The following DYNLL1 variants were observed in gnomAD, a reference collection of about 807,000 sequenced individuals.
DYNLL1 encodes dynein light chain LC8-type 1.
DYNLL1 carries 3 observed loss-of-function variants against 10.1 expected under a neutral mutation model. That is an observed-to-expected ratio of 0.30 (90% CI 0.14 to 0.77). The LOEUF is 0.77. DYNLL1 is among the 30% of genes least tolerant of loss of function. The pLI is 0.66. For synonymous variants in DYNLL1, 46 were observed against 41.2 expected (o/e 1.12, Z -0.45); for missense variants, 47 against 111.7 (o/e 0.42, Z 2.61).
At chr12:120,469,877 C>A (rs146445234) in exon 1 of DYNLL1, 9 of 239,566 alleles carry the variant, frequency 3.8e-5, no homozygotes, top group Non-Finnish European at 6.4e-5. Flanking sequence ...GGGGCCGGGC[C>A]GTGTGGATGC....
At chr12:120,496,392 C>T in intron 1 of DYNLL1, 24 bp from the exon 2 acceptor site, 1 of 1,613,646 alleles carries the variant, frequency 6.2e-7, no homozygotes. Flanking sequence ...AACTCAACCC[C>T]TTACCCCAGG....
At chr12:120,484,476 G>A (rs1878949637) in intron 1 of DYNLL1, among the ~76,000 whole-genome samples, 1 of 152,142 alleles carries the variant, frequency 6.6e-6, no homozygotes, top group Non-Finnish European at 1.5e-5. Flanking sequence ...CCTGTTATAT[G>A]CCGGGAAAAA....
chr12:120,473,380 G>C (rs1330148371), intron 1 of DYNLL1, among the ~76,000 whole-genome samples: 3 of 151,740 alleles, frequency 2.0e-5, no homozygotes, highest in Non-Finnish European at 4.4e-5. Context: ...GCAATGTAGT[G>C]AGACCCCTAT....
upstream of DYNLL1, among the ~76,000 whole-genome samples, chr12:120,494,173 T>G (rs924654543): frequency 6.6e-6 from 1 of 152,126 alleles, no homozygotes; most frequent in Non-Finnish European, 1.5e-5. Context: ...ATAGTAATAT[T>G]ATAACTCCTC....
intron 1 of DYNLL1, chr12:120,490,595 T>C (rs982409664): frequency 2.0e-5 from 3 of 152,216 alleles, no homozygotes; most frequent in Non-Finnish European, 4.4e-5. Flanking sequence ...ATCTGTGACA[T>C]TCAAATTCAG....
intron 1 of DYNLL1, among the ~76,000 whole-genome samples, chr12:120,485,701 T>C (rs577762190): frequency 8.6e-5 from 13 of 151,790 alleles, no homozygotes; most frequent in African/African-American, 2.4e-4. Flanking sequence ...ATTAGCCAGG[T>C]GTGGTGGTGT....
At chr12:120,484,189 C>T (rs73403923) in intron 1 of DYNLL1, among the ~76,000 whole-genome samples, 21,283 of 151,824 alleles carry the variant, frequency 0.14, 1,753 homozygotes, top group African/African-American at 0.23. Flanking sequence ...GGGAATAATC[C>T]AGTAGACAGG....
At position 120,478,536 on chromosome 12, in the gene DYNLL1, C is replaced by A. The variant is rs1203282481; in HGVS notation, c.-7+8432C>A. Reference sequence around the variant, plus strand: ...GCTAGTATTACAGACATTAAGCCACCATGCCTGGCCTAAAAAATAAAAAGG... The same window carrying A: ...GCTAGTATTACAGACATTAAGCCACAATGCCTGGCCTAAAAAATAAAAAGG... On this transcript the variant is annotated intron_variant, in intron 1 of 2. Transcript: ENST00000392509. 5.3e-5 allele frequency among the ~76,000 whole-genome samples: 8 copies of A among 151,264 alleles called. No homozygotes were observed. In the East Asian group the frequency reaches 1.2e-3, roughly 23 times the overall value.
chr12:120,497,999 C>T, intron 2 of DYNLL1, 74 bp from the exon 3 acceptor site: 1 of 1,472,994 alleles, frequency 6.8e-7, no homozygotes, highest in Non-Finnish European at 9.2e-7. Flanking sequence ...CCCCTACAGG[C>T]TCTGGCTTAT....
At position 120,496,760 on chromosome 12, in the gene DYNLL1, TA is replaced by T. The variant is rs1372366810; in HGVS notation, c.132+209del. On this transcript the variant is annotated intron_variant, in intron 2 of 2. Transcript: ENST00000242577. ...TCCGAAGTTTTTTTTTTTTTTTTTT[TA>T]ATTACCCAGCTCCGCGGGGGGAAAG... 97 of 654,008 alleles carry T rather than the reference TA, an allele frequency of 1.5e-4. 1 individual carries two copies. In the Admixed American group the frequency reaches 3.0e-3, roughly 20 times the overall value. The allele number at this position is 654,008 out of a possible 1,614,324, so 40.5% of individuals were successfully genotyped here.
intron 1 of DYNLL1, among the ~76,000 whole-genome samples, chr12:120,480,785 G>A (rs1229526504): frequency 6.8e-6 from 1 of 147,136 alleles, no homozygotes; most frequent in African/African-American, 2.5e-5. Context: ...TTTTTGAGAC[G>A]GAGTCTCGCT....
At chr12:120,481,157 T>A (rs1878872517) in intron 1 of DYNLL1, among the ~76,000 whole-genome samples, 1 of 152,246 alleles carries the variant, frequency 6.6e-6, no homozygotes, top group Non-Finnish European at 1.5e-5. Flanking sequence ...AGTGACTTCC[T>A]GTGATGTCTT....
At chr12:120,476,803 G>T (rs1022225700) in intron 1 of DYNLL1, among the ~76,000 whole-genome samples, 1 of 152,100 alleles carries the variant, frequency 6.6e-6, no homozygotes, top group African/African-American at 2.4e-5. Context: ...GTAGAGATGG[G>T]ATTTCTCCAT....
chr12:120,493,468 G>A (rs564984033), upstream of DYNLL1, among the ~76,000 whole-genome samples: 55 of 151,494 alleles, frequency 3.6e-4, no homozygotes, highest in Non-Finnish European at 6.3e-4. Flanking sequence ...CCCAGATCGC[G>A]CCACTGCACT....
chr12:120,487,240 T>C (rs1414967506), intron 1 of DYNLL1, among the ~76,000 whole-genome samples: 1 of 137,682 alleles, frequency 7.3e-6, no homozygotes. Flanking sequence ...CTGAAAGTGC[T>C]GGGATTACAG....
At chr12:120,497,809 A>G (rs1868503679) in intron 2 of DYNLL1, 1 of 442,226 alleles carries the variant, frequency 2.3e-6, no homozygotes, top group Non-Finnish European at 4.0e-6. Context: ...TGTAATTACC[A>G]TAATAACAAA....
chr12:120,490,699 T>C (rs1879104353), intron 1 of DYNLL1: 1 of 152,212 alleles, frequency 6.6e-6, no homozygotes, highest in Admixed American at 6.6e-5. Context: ...TTTTGGTTGT[T>C]GAAACTGGGG....
intron 1 of DYNLL1, among the ~76,000 whole-genome samples, chr12:120,473,773 C>A (rs181890714): frequency 4.6e-5 from 7 of 151,054 alleles, no homozygotes; most frequent in African/African-American, 1.7e-4. Flanking sequence ...TGATCTCGAA[C>A]TCTTGAGCTC....
chr12:120,478,118 T>G (rs1267088156), intron 1 of DYNLL1, among the ~76,000 whole-genome samples: 1 of 149,804 alleles, frequency 6.7e-6, no homozygotes, highest in African/African-American at 2.5e-5. Context: ...GTTGTTGTTT[T>G]TTTTTTTGAG....
Sources: gnomAD v4.1 joint callset for allele counts (sites outside exome capture counted in the v4.1 genomes callset) on GRCh38, gnomAD v4.1.1 for gene constraint, MANE v1.5 for transcripts, NCBI Gene and HGNC (gene_info 2026-07-23, HGNC 2026-07-21) for gene names.